The following PCM1 variants were observed in gnomAD, a reference collection of about 807,000 sequenced individuals.
The protein encoded by PCM1 is pericentriolar material 1 protein.
PCM1 carries 157 observed loss-of-function variants against 241.9 expected under a neutral mutation model. The observed-to-expected ratio is 0.65, with a 90% CI of 0.57 to 0.74. The LOEUF is 0.74. Ranked by LOEUF, PCM1 falls within the 30% of genes least tolerant of loss-of-function variation. PCM1 has a pLI of 0.00. For missense variants in PCM1, 3,478 were observed against 2,360.1 expected, an observed-to-expected ratio of 1.47 and a Z score of -9.81; for synonymous variants, 1,085 against 784.9, an observed-to-expected ratio of 1.38 and a Z score of -6.39.
At chr8:17,928,354 C>T (rs1318071872) in intron 2 of PCM1, among the ~76,000 whole-genome samples, 1 of 152,162 alleles carries the variant, frequency 6.6e-6, no homozygotes, top group African/African-American at 2.4e-5. Flanking sequence ...TCAGACACTG[C>T]TGTCTCACCC....
Position 17,972,402 on chromosome 8 carries a change from G to C in PCM1, c.3658G>C (p.Glu1220Gln). The C allele has an allele frequency of 4.4e-6, 7 of 1,608,656 alleles. No individual in the cohort carries two copies. The highest frequency in any genetic ancestry group is 5.9e-6 in the Non-Finnish European group (7 of 1,176,764). Reference sequence around the variant, plus strand: ...GTTATATGAACAAGAAGGTGAAGTAGAGAAACCATTTATCAAGACTGGATT... The same window carrying C: ...GTTATATGAACAAGAAGGTGAAGTACAGAAACCATTTATCAAGACTGGATT... ...PWLYEQEGEVEKPFIKTGFSV... is the reference protein window; with the variant it reads ...PWLYEQEGEVQKPFIKTGFSV... Residue 1220 changes from glutamate (E) to glutamine (Q), a missense_variant, in exon 23 of 39, where the codon GAG becomes CAG. By Grantham distance (29) the Glu-to-Gln change is conservative. Transcript: ENST00000325083.
intron 31 of PCM1, 118 bp downstream of exon 31, chr8:18,009,862 A>G: frequency 1.7e-6 from 1 of 580,936 alleles, no homozygotes; most frequent in Non-Finnish European, 2.8e-6. Flanking sequence ...TAGTAATACC[A>G]GTTAATCACA....
rs559519363 is a variant in PCM1 at position 17,947,424 on chromosome 8, G to T, written c.961+61G>T. 14 of 1,178,954 alleles carry T rather than the reference G, an allele frequency of 1.2e-5. No homozygotes were observed. The African/African-American group carries it at 2.2e-4, about 18-fold the overall frequency. 73.0% of individuals were successfully genotyped at this position (1,178,954 alleles called of 1,614,324 possible). A position where few individuals can be genotyped will look rare whatever the true frequency, so the allele number is the denominator to read the frequency against. On this transcript the variant is annotated intron_variant, in intron 7 of 38. Transcript: ENST00000325083. ...AAGACTCATACATAATTGTATTGCA[G>T]GGTGGATGCTGATTATTACATAATC... is the stretch of plus-strand genomic sequence containing the variant.
At chr8:17,982,634 A>G (rs1424345668) in intron 24 of PCM1, 2 of 152,194 alleles carry the variant, frequency 1.3e-5, no homozygotes, top group Non-Finnish European at 2.9e-5. Context: ...AGCTGGGACT[A>G]CAGGTGCGTG....
At chr8:17,930,101 C>CTT (rs3988353) in intron 2 of PCM1, among the ~76,000 whole-genome samples, 20 of 109,278 alleles carry the variant, frequency 1.8e-4, no homozygotes, top group East Asian at 4.7e-4. Flanking sequence ...GGAATACTTC[C>CTT]TTTTTTTTTT....
chr8:17,968,476 T>TC, intron 21 of PCM1, among the ~76,000 whole-genome samples: 1 of 152,236 alleles, frequency 6.6e-6, no homozygotes, highest in East Asian at 1.9e-4. Flanking sequence ...TTAGGCCTTG[T>TC]CAGTAGGGAT....
intron 6 of PCM1, among the ~76,000 whole-genome samples, chr8:17,941,840 A>G (rs1419424608): frequency 6.7e-6 from 1 of 148,948 alleles, no homozygotes; most frequent in Non-Finnish European, 1.5e-5. Context: ...TCAAAGGTAT[A>G]CTTTACAATA....
rs548743360 is a variant in PCM1 at position 18,006,455 on chromosome 8, C to T, written c.4962+58C>T. ...TGTACTGTGTGGTAAGGTTTTTTTT[C>T]GGGGGGTGGGTGAGGCATTTTCTTG... On this transcript the variant is annotated intron_variant, in intron 30 of 38. Transcript: ENST00000325083. The T allele has an allele frequency of 4.2e-5, 52 of 1,225,980 alleles. No homozygotes were observed. In the African/African-American group the frequency reaches 5.1e-4, roughly 12 times the overall value. The allele number at this position is 1,225,980 out of a possible 1,614,324, so 75.9% of individuals were successfully genotyped here. A position where few individuals can be genotyped will look rare whatever the true frequency, so the allele number is the denominator to read the frequency against.
chr8:17,944,130 A>G (rs142429271), intron 6 of PCM1, among the ~76,000 whole-genome samples: 2 of 152,234 alleles, frequency 1.3e-5, no homozygotes, highest in East Asian at 3.9e-4. Context: ...TGTACCTTGT[A>G]CCTGTGTTTT....
chr8:17,975,512 A>C (rs2078446598), intron 23 of PCM1, among the ~76,000 whole-genome samples: 1 of 152,066 alleles, frequency 6.6e-6, no homozygotes. Flanking sequence ...GGGTGGGGAA[A>C]AGTTTAGAAA....
chr8:17,965,270 G>GT (rs1219754960), intron 18 of PCM1, among the ~76,000 whole-genome samples: 1 of 152,062 alleles, frequency 6.6e-6, no homozygotes, highest in East Asian at 1.9e-4. Context: ...TCTGTTTACG[G>GT]TTTTTTAGGA....
intron 36 of PCM1, among the ~76,000 whole-genome samples, chr8:18,021,629 C>T (rs2093761520): frequency 6.6e-6 from 1 of 152,200 alleles, no homozygotes; most frequent in Admixed American, 6.5e-5. Flanking sequence ...ACAGGATTTT[C>T]AAACTCGGTG....
intron 2 of PCM1, among the ~76,000 whole-genome samples, chr8:17,930,324 C>G (rs923715986): frequency 6.6e-6 from 1 of 151,530 alleles, no homozygotes; most frequent in South Asian, 2.1e-4. Context: ...AGGATGGTCT[C>G]GATCTCCTGA....
intron 2 of PCM1, chr8:17,927,145 G>T: frequency 1.5e-5 from 2 of 133,974 alleles, no homozygotes. Flanking sequence ...TTTTTTTTTG[G>T]AGACAGAGTC....
chr8:17,980,965 TTAA>T (rs1244253608), intron 24 of PCM1, among the ~76,000 whole-genome samples: 4 of 152,214 alleles, frequency 2.6e-5, no homozygotes, highest in Non-Finnish European at 5.9e-5. Context: ...TGGACACATT[TTAA>T]TAAAATTCTA....
chr8:17,947,495 T>C (rs2064275345), intron 7 of PCM1, 132 bp downstream of exon 7: 3 of 657,336 alleles, frequency 4.6e-6, no homozygotes, highest in Non-Finnish European at 7.6e-6. Context: ...ATGAGGCTTA[T>C]ACTTTCCTGT....
chr8:17,955,644 A>G lies in PCM1; in HGVS notation c.1463A>G (p.Glu488Gly). The G allele has an allele frequency of 6.2e-7, 1 of 1,610,310 alleles. No individual in the cohort carries two copies. The highest frequency in any genetic ancestry group is 8.5e-7 in the Non-Finnish European group (1 of 1,176,556). Residue 488 changes from glutamate to glycine, a missense_variant, in exon 10 of 39, where the codon GAA (glutamate) becomes GGA (glycine). Physicochemically the swap from Glu to Gly is moderately conservative, Grantham distance 98 (BLOSUM62 -2). Transcript: ENST00000325083. Reference protein sequence around the residue: ...SENEGHLNPSEKLQKLNEVRK... With the variant: ...SENEGHLNPSGKLQKLNEVRK... ...AACGAAGGCCACCTCAATCCATCTG[A>G]AAAACTCCAGTAAAACATTTATAAT...
Position 17,956,739 on chromosome 8 carries a change from T to A in PCM1, c.1608T>A (p.Asp536Glu). ...AAGAAACTGAAGAGTCAGAATATGA[T>A]TCTGAGCATGAAAATTCCGAGCCTG... ...KDEETEESEY[D>E]SEHENSEPVT... Residue 536 changes from aspartate to glutamate, a missense_variant, in exon 11 of 39, where the codon GAT becomes GAA. By Grantham distance (45) the Asp-to-Glu change is conservative. Transcript: ENST00000325083. The A allele has an allele frequency of 6.2e-7, 1 of 1,609,208 alleles. No individual in the cohort carries two copies. The highest frequency in any genetic ancestry group is 2.2e-5 in the East Asian group (1 of 44,758).
rs1417714546 is a variant in PCM1, at chr8:18,018,879, T to TATATAC, written c.5841+4040_5841+4041insTATACA. The stretch of plus-strand genomic sequence containing the variant: ...ATATATATATATATATATATATATA[T>TATATAC]ACACACACATATACATACACATATA... On this transcript the variant is annotated intron_variant, in intron 36 of 38. Coordinates refer to ENST00000325083, the MANE Select transcript of PCM1 (RefSeq NM_006197.4). Among the ~76,000 whole-genome samples, 7 of 35,560 alleles carry TATATAC rather than the reference T, an allele frequency of 2.0e-4. No homozygotes were observed. In the South Asian group the frequency reaches 2.2e-3, roughly 11 times the overall value. 23.3% of individuals were successfully genotyped at this position (35,560 alleles called of 152,430 possible).
Sources: gnomAD v4.1 joint callset for allele counts (sites outside exome capture counted in the v4.1 genomes callset) on GRCh38, gnomAD v4.1.1 for gene constraint, MANE v1.5 for transcripts, NCBI Gene and HGNC (gene_info 2026-07-23, HGNC 2026-07-21) for gene names.